Variants in ITM2B observed in about 807,000 individuals in gnomAD.
The protein encoded by ITM2B is ABri/ADan amyloid peptide.
Under a neutral mutation model 27.8 loss-of-function variants are expected in ITM2B, and 11 were observed. The observed-to-expected ratio is 0.40, with a 90% CI of 0.25 to 0.66. The LOEUF (loss-of-function observed/expected upper bound fraction) is 0.66, where lower values mean the gene tolerates loss of function less well. Among genes scored for constraint, ITM2B ranks in the 30% least tolerant of loss-of-function variants. The pLI is 0.43. For synonymous variants in ITM2B, 114 were observed against 114.3 expected (o/e 1.00, Z 0.02); for missense variants, 296 against 328.9 (o/e 0.90, Z 0.77).
rs1349142056 is a variant in ITM2B, at chr13:48,255,252, T to TGCGCGCGCGTGTGC, written c.247-924_247-923insCGCGCGCGTGTGCG. Reference sequence around the variant, plus strand: ...TGTAGTGTGTGTGTGTGTGTGTGTGTGTGCGCGCGCGTGTGCGTGCGCGCA... The same window carrying TGCGCGCGCGTGTGC: ...TGTAGTGTGTGTGTGTGTGTGTGTGTGCGCGCGCGTGTGCGTGCGCGCGCGTGTGCGTGCGCGCA... On this transcript the variant is annotated intron_variant, in intron 2 of 5. Coordinates refer to ENST00000647800, the MANE Select transcript of ITM2B (RefSeq NM_021999.5). 3.8e-4 allele frequency among the ~76,000 whole-genome samples: 50 copies of TGCGCGCGCGTGTGC among 132,276 alleles called. 1 individual carries two copies. In the South Asian group the frequency reaches 9.7e-3, roughly 26 times the overall value. The allele number at this position is 132,276 out of a possible 152,430, so 86.8% of individuals were successfully genotyped here. A position where few individuals can be genotyped will look rare whatever the true frequency, so the allele number is the denominator to read the frequency against.
Position 48,265,568 on chromosome 13 carries a change from C to T in ITM2B, c.*4344C>T, listed in dbSNP as rs1250066593. 1 of 152,382 alleles carries T rather than the reference C, an allele frequency of 6.6e-6. No individual in the cohort carries two copies. The highest frequency in any genetic ancestry group is 1.5e-5 in the Non-Finnish European group (1 of 68,156). The allele number at this position is 152,382 out of a possible 1,614,324, so 9.4% of individuals were successfully genotyped here. A position where few individuals can be genotyped will look rare whatever the true frequency, so the allele number is the denominator to read the frequency against. ...CAGCTTAAAACACTTTCCTGGCTTC[C>T]CCTGGTTCTTAGGATAAAGACCAAA... is the stretch of plus-strand genomic sequence containing the variant. On this transcript the variant is annotated 3_prime_UTR_variant, in exon 6 of 6. Transcript: ENST00000647800.
At chr13:48,255,611 G>A (rs762838715) in intron 2 of ITM2B, among the ~76,000 whole-genome samples, 7 of 152,056 alleles carry the variant, frequency 4.6e-5, no homozygotes, top group Non-Finnish European at 1.0e-4. Context: ...CTTATGTACT[G>A]TTTTTTCTTT....
rs1207449590 is a variant in ITM2B, at chr13:48,260,697, CATG to C, written c.716-439_716-437del. On this transcript the variant is annotated intron_variant, in intron 5 of 5. Transcript: ENST00000647800. ...GCTGTATCCATACTGCTGCAAAGGA[CATG>C]ATTTCTTTTTTATTGCTGTGTTGAT... Among the ~76,000 whole-genome samples the C allele has an allele frequency of 2.0e-5, 3 of 152,240 alleles. No homozygotes were observed. In the East Asian group the frequency reaches 5.8e-4, roughly 29 times the overall value.
chr13:48,233,442 A>G lies in ITM2B; in HGVS notation c.82A>G (p.Ile28Val). The change falls in exon 1 of 6, where the codon ATC becomes GTC. Residue 28 changes from isoleucine to valine, a missense_variant. By Grantham distance (29) the Ile-to-Val change is conservative. Coordinates refer to ENST00000647800, the MANE Select transcript of ITM2B (RefSeq NM_021999.5). ...GCCCAAGAGCGGCGAGGAGGCGCTC[A>G]TCATCCCCCCCGACGCCGTCGCGGT... ...DEPKSGEEAL[I>V]IPPDAVAVDC... 6.5e-7 allele frequency: 1 copy of G among 1,541,020 alleles called. No homozygotes were observed. Among genetic ancestry groups the G allele is most frequent in the Non-Finnish European group, 8.7e-7 (1 of 1,145,628 alleles).
chr13:48,248,386 T>C (rs115828007), intron 1 of ITM2B, among the ~76,000 whole-genome samples: 1,620 of 152,236 alleles, frequency 0.011, 39 homozygotes, highest in African/African-American at 0.037. Flanking sequence ...TCCTCCTGCC[T>C]CTGCCTCCCA....
rs1261349764 is a variant in ITM2B at position 48,263,120 on chromosome 13, C to A, written c.*1896C>A. 1 of 152,188 alleles carries A rather than the reference C, an allele frequency of 6.6e-6. No homozygotes were observed. The highest frequency in any genetic ancestry group is 1.5e-5 in the Non-Finnish European group (1 of 68,026). 9.4% of individuals were successfully genotyped at this position (152,188 alleles called of 1,614,324 possible). A position where few individuals can be genotyped will look rare whatever the true frequency, so the allele number is the denominator to read the frequency against. The stretch of plus-strand genomic sequence containing the variant: ...CCCAGGGACCCAAACTTACACTTTA[C>A]TAAATGTAATTCTTTCATTTGAATT... On this transcript the variant is annotated 3_prime_UTR_variant, in exon 6 of 6. Coordinates refer to ENST00000647800, the MANE Select transcript of ITM2B (RefSeq NM_021999.5).
intron 1 of ITM2B, among the ~76,000 whole-genome samples, chr13:48,234,869 T>C (rs1218506158): frequency 6.6e-6 from 1 of 152,192 alleles, no homozygotes; most frequent in Non-Finnish European, 1.5e-5. Context: ...TTAAAGAAAA[T>C]GTTTGGAATG....
At chr13:48,250,595 G>A (rs976673237) in intron 1 of ITM2B, among the ~76,000 whole-genome samples, 4 of 150,926 alleles carry the variant, frequency 2.7e-5, no homozygotes, top group African/African-American at 7.3e-5. Context: ...TCCAGCCTGG[G>A]CAACAGAGCG....
At chr13:48,253,964 TGA>T in intron 2 of ITM2B, 28 bp downstream of exon 2, 1 of 1,600,678 alleles carries the variant, frequency 6.2e-7, no homozygotes, top group South Asian at 1.1e-5. Flanking sequence ...TTTGTGTCTC[TGA>T]TTTTTTTTTT....
At chr13:48,242,768 C>T (rs1163408994) in intron 1 of ITM2B, among the ~76,000 whole-genome samples, 2 of 152,066 alleles carry the variant, frequency 1.3e-5, no homozygotes, top group Non-Finnish European at 2.9e-5. Context: ...TGTCTACAGG[C>T]TGGTGATTTT....
chr13:48,243,039 CTT>C (rs1356181957), intron 1 of ITM2B, among the ~76,000 whole-genome samples: 1 of 152,108 alleles, frequency 6.6e-6, no homozygotes, highest in Non-Finnish European at 1.5e-5. Context: ...TAAAAATTGA[CTT>C]AATGATAATT....
At chr13:48,260,416 T>G (rs1951815005) in intron 5 of ITM2B, among the ~76,000 whole-genome samples, 1 of 152,080 alleles carries the variant, frequency 6.6e-6, no homozygotes. Flanking sequence ...CTTGAGGAAT[T>G]GCCACACTCT....
At chr13:48,242,899 C>G (rs1465331650) in intron 1 of ITM2B, among the ~76,000 whole-genome samples, 1 of 151,782 alleles carries the variant, frequency 6.6e-6, no homozygotes, top group Admixed American at 6.6e-5. Flanking sequence ...TTTGTTTTAT[C>G]CCTTTACTGT....
chr13:48,237,196 C>A (rs906665447), intron 1 of ITM2B, among the ~76,000 whole-genome samples: 24 of 152,202 alleles, frequency 1.6e-4, no homozygotes, highest in African/African-American at 5.3e-4. Context: ...TGATATAATG[C>A]TCTCAAGGGA....
intron 1 of ITM2B, among the ~76,000 whole-genome samples, chr13:48,247,591 T>G (rs1199366533): frequency 2.6e-5 from 4 of 152,188 alleles, no homozygotes; most frequent in Admixed American, 2.6e-4. Flanking sequence ...CGAAAAAATA[T>G]ACATTTTATT....
chr13:48,243,312 A>T (rs929777849), intron 1 of ITM2B, among the ~76,000 whole-genome samples: 2 of 152,304 alleles, frequency 1.3e-5, no homozygotes, highest in South Asian at 4.1e-4. Context: ...TGAAATGCTT[A>T]TGTGCTGGTG....
At chr13:48,255,269 G>A (rs1352918695) in intron 2 of ITM2B, among the ~76,000 whole-genome samples, 2 of 151,532 alleles carry the variant, frequency 1.3e-5, no homozygotes, top group African/African-American at 4.9e-5. Context: ...GCGCGTGTGC[G>A]TGCGCGCACG....
At chr13:48,251,833 T>G (rs868538209) in intron 1 of ITM2B, among the ~76,000 whole-genome samples, 9 of 152,150 alleles carry the variant, frequency 5.9e-5, no homozygotes, top group South Asian at 2.1e-4. Context: ...CCTCCTTAGA[T>G]ATTTATGTCA....
At chr13:48,243,739 C>T (rs1011095381) in intron 1 of ITM2B, among the ~76,000 whole-genome samples, 11 of 152,022 alleles carry the variant, frequency 7.2e-5, no homozygotes, top group Non-Finnish European at 1.5e-4. Flanking sequence ...ATCACTTGAG[C>T]CCAGGAGGTT....
Sources: allele counts gnomAD v4.1 joint callset (sites outside exome capture counted in the v4.1 genomes callset), GRCh38; gene constraint gnomAD v4.1.1; transcripts MANE v1.5; gene names NCBI Gene and HGNC (gene_info 2026-07-23, HGNC 2026-07-21).